Variants in PDE3A observed in about 807,000 individuals in gnomAD.
PDE3A encodes cGMP-inhibited 3',5'-cyclic phosphodiesterase 3A.
A neutral mutation model predicts 98.3 loss-of-function variants in PDE3A; 43 were observed. That is an observed-to-expected ratio of 0.44 (90% CI 0.34 to 0.56). PDE3A has a LOEUF of 0.56. Among genes scored for constraint, PDE3A ranks in the 20% least tolerant of loss-of-function variants. PDE3A has a pLI of 0.01. For missense variants in PDE3A, 1,427 were observed against 1,440.7 expected, an observed-to-expected ratio of 0.99 and a Z score of 0.15; for synonymous variants, 663 against 567.9, an observed-to-expected ratio of 1.17 and a Z score of -2.38.
In PDE3A at chr12:20,637,266, T is replaced by G. The variant is rs371296725; in HGVS notation, c.2139+29T>G. 8.3e-5 allele frequency: 127 copies of G among 1,536,692 alleles called. No individual in the cohort carries two copies. The African/African-American group carries it at 1.4e-3, about 17-fold the overall frequency. ...AGAAATGCATTCATTCACACTAATT[T>G]AAATATAGGAAAAACAGTTCCTTTG... On this transcript the variant is annotated intron_variant, in intron 9 of 15. Transcript: ENST00000359062.
chr12:20,634,635 G>T (rs1944457724), intron 7 of PDE3A, among the ~76,000 whole-genome samples: 1 of 152,168 alleles, frequency 6.6e-6, no homozygotes, highest in African/African-American at 2.4e-5. Context: ...TGTAGGATTT[G>T]TTAAAGGTAT....
intron 15 of PDE3A, among the ~76,000 whole-genome samples, chr12:20,673,531 T>C (rs950825403): frequency 2.0e-5 from 3 of 147,862 alleles, no homozygotes; most frequent in African/African-American, 7.5e-5. Context: ...TAAAAAATGA[T>C]GAGTTCATGT....
At chr12:20,653,904 A>C in intron 14 of PDE3A, 43 bp from the exon 15 acceptor site, 2 of 1,596,342 alleles carry the variant, frequency 1.3e-6, no homozygotes, top group Non-Finnish European at 1.7e-6. Flanking sequence ...TACAAATTTC[A>C]GATGCCAGGT....
chr12:20,578,804 T>C (rs925727646), intron 2 of PDE3A, among the ~76,000 whole-genome samples: 2 of 152,162 alleles, frequency 1.3e-5, no homozygotes, highest in Non-Finnish European at 2.9e-5. Context: ...AAAGTGAGCA[T>C]TGGAAAGGAT....
intron 1 of PDE3A, among the ~76,000 whole-genome samples, chr12:20,423,276 T>A (rs1373258531): frequency 6.6e-6 from 1 of 152,238 alleles, no homozygotes; most frequent in Non-Finnish European, 1.5e-5. Flanking sequence ...AGATATTGTG[T>A]GTGTCAGAAA....
intron 15 of PDE3A, among the ~76,000 whole-genome samples, chr12:20,655,862 A>C (rs1945031104): frequency 6.6e-6 from 1 of 152,160 alleles, no homozygotes; most frequent in Non-Finnish European, 1.5e-5. Flanking sequence ...GAAATTATCC[A>C]AGTGAGAGAT....
In PDE3A at chr12:20,650,476, A is replaced by G. The variant is rs1423661233; in HGVS notation, c.2801A>G (p.Asn934Ser). The G allele has an allele frequency of 2.5e-6, 4 of 1,610,696 alleles. No homozygotes were observed. The highest frequency in any genetic ancestry group is 2.2e-5 in the East Asian group (1 of 44,706). Residue 934 changes from asparagine to serine, a missense_variant, in exon 14 of 16, where the codon AAT becomes AGT. Asn to Ser is a conservative substitution (Grantham distance 46). This residue lies in a region of PDE3A where 273 missense variants were observed against 420.3 expected (regional missense o/e 0.65). Coordinates refer to ENST00000359062, the MANE Select transcript of PDE3A (RefSeq NM_000921.5). ...VNDDVGIDWT[N>S]ENDRLLVCQM... ...GATGATGTTGGAATAGATTGGACCAATGAAAATGATCGTCTACTGGTTTGT... is the reference window on the plus strand; with the variant it reads ...GATGATGTTGGAATAGATTGGACCAGTGAAAATGATCGTCTACTGGTTTGT...
intron 1 of PDE3A, chr12:20,371,518 G>A (rs1050164210): frequency 2.2e-5 from 21 of 941,794 alleles, no homozygotes; most frequent in Non-Finnish European, 2.5e-5. Context: ...TAATCATTTG[G>A]GTATTTCTAA....
intron 1 of PDE3A, among the ~76,000 whole-genome samples, chr12:20,406,978 C>T (rs1944244482): frequency 6.6e-6 from 1 of 152,130 alleles, no homozygotes. Context: ...TTATTCTGTG[C>T]CCTTGTTAAG....
At chr12:20,640,244 T>C (rs1414758583) in intron 10 of PDE3A, among the ~76,000 whole-genome samples, 1 of 152,120 alleles carries the variant, frequency 6.6e-6, no homozygotes, top group Non-Finnish European at 1.5e-5. Context: ...TAGGATCAAA[T>C]AAGATTATAA....
At chr12:20,579,570 A>T (rs1943017980) in intron 2 of PDE3A, among the ~76,000 whole-genome samples, 1 of 152,132 alleles carries the variant, frequency 6.6e-6, no homozygotes, top group African/African-American at 2.4e-5. Flanking sequence ...GAAATATTGC[A>T]GACAGCAGTG....
intron 2 of PDE3A, among the ~76,000 whole-genome samples, chr12:20,570,438 A>AAAAAAAAAAAAAAAAT (rs869268302): frequency 7.2e-6 from 1 of 138,510 alleles, no homozygotes; most frequent in African/African-American, 2.6e-5. Context: ...AAAAAAAAAA[A>AAAAAAAAAAAAAAAAT]GGTGTAAAGG....
rs764840530 is a variant in PDE3A at position 20,524,052 on chromosome 12, T to A, written c.961-32608T>A. 7.9e-5 allele frequency among the ~76,000 whole-genome samples: 12 copies of A among 152,302 alleles called. No homozygotes were observed. The South Asian group carries it at 2.5e-3, about 32-fold the overall frequency. On this transcript the variant is annotated intron_variant, in intron 1 of 15. Coordinates refer to ENST00000359062, the MANE Select transcript of PDE3A (RefSeq NM_000921.5). ...ACCTCTTTAGTGGGCAACCAAGTCT[T>A]GAACCCTAGTTACCAGTTGTCATGT...
In PDE3A at chr12:20,683,567, T is replaced by C. The variant is rs986815004; in HGVS notation, c.*3296T>C. ...GCTAATAAATGTCTTTCCGGTTATA[T>C]ATCTATCTAAATTAACCTTTAAAAT... On this transcript the variant is annotated 3_prime_UTR_variant, in exon 16 of 16. Transcript: ENST00000359062. The C allele has an allele frequency of 5.9e-5, 9 of 152,180 alleles. No homozygotes were observed. The highest frequency in any genetic ancestry group is 1.7e-4 in the African/African-American group (7 of 41,452). The allele number at this position is 152,180 out of a possible 1,614,324, so 9.4% of individuals were successfully genotyped here. A position where few individuals can be genotyped will look rare whatever the true frequency, so the allele number is the denominator to read the frequency against.
chr12:20,663,616 G>A (rs112304842), intron 15 of PDE3A, among the ~76,000 whole-genome samples: 6,673 of 152,278 alleles, frequency 0.044, 199 homozygotes, highest in Admixed American at 0.082. Flanking sequence ...TGCATGGGAC[G>A]TGTAGCCCCT....
chr12:20,487,723 G>A (rs1945756917), intron 1 of PDE3A, among the ~76,000 whole-genome samples: 1 of 151,726 alleles, frequency 6.6e-6, no homozygotes, highest in Admixed American at 6.6e-5. Flanking sequence ...CATTCCAATG[G>A]ATACAACATC....
intron 1 of PDE3A, among the ~76,000 whole-genome samples, chr12:20,554,830 A>G (rs1220711381): frequency 1.3e-5 from 2 of 152,032 alleles, no homozygotes; most frequent in African/African-American, 4.8e-5. Flanking sequence ...TCATTAGTTG[A>G]ATAATTCATC....
At position 20,369,927 on chromosome 12, in the gene PDE3A, A is replaced by G. The variant is rs764879568; in HGVS notation, c.643A>G (p.Ile215Val). The change falls in exon 1 of 16, where the codon ATC becomes GTC. Residue 215 changes from isoleucine (I) to valine (V), a missense_variant. This residue lies in a region of PDE3A where 1,012 missense variants were observed against 886.5 expected (regional missense o/e 1.14). Transcript: ENST00000359062. ...GAGGCTGAGGCTGGGCGTCCTCATGATCGCCTTGACTAGCGCGGTCAGGAC... is the reference window on the plus strand; with the variant it reads ...GAGGCTGAGGCTGGGCGTCCTCATGGTCGCCTTGACTAGCGCGGTCAGGAC... ...VLRLRLGVLM[I>V]ALTSAVRTVS... 9.9e-6 allele frequency: 16 copies of G among 1,613,344 alleles called. No individual in the cohort carries two copies. In the Admixed American group the frequency reaches 2.3e-4, roughly 24 times the overall value.
At chr12:20,587,293 C>G (rs149869332) in intron 2 of PDE3A, among the ~76,000 whole-genome samples, 2 of 152,056 alleles carry the variant, frequency 1.3e-5, no homozygotes, top group African/African-American at 4.8e-5. Context: ...CGCTTGAACG[C>G]GGGAGGCAGA....
Sources: gnomAD v4.1 joint callset for allele counts (sites outside exome capture counted in the v4.1 genomes callset) on GRCh38, gnomAD v4.1.1 for gene constraint, gnomAD v4.1.1 regional missense constraint, MANE v1.5 for transcripts, NCBI Gene and HGNC (gene_info 2026-07-23, HGNC 2026-07-21) for gene names.